RELN: variants seen among roughly 807,000 people sequenced by gnomAD.
RELN encodes reelin.
A neutral mutation model predicts 427.6 loss-of-function variants in RELN; 108 were observed. That is an observed-to-expected ratio of 0.25 (90% confidence interval 0.22 to 0.30). RELN has a LOEUF of 0.30. Among genes scored for constraint, RELN ranks in the 10% least tolerant of loss-of-function variants. RELN has a pLI of 1.00. For synonymous variants in RELN, 1,524 were observed against 1,513.4 expected (o/e 1.01, Z -0.16); for missense variants, 3,715 against 4,302.8 (o/e 0.86, Z 3.82).
intron 31 of RELN, among the ~76,000 whole-genome samples, chr7:103,571,444 G>A (rs1830879714): frequency 6.6e-6 from 1 of 152,130 alleles, no homozygotes; most frequent in Admixed American, 6.5e-5. Flanking sequence ...GAGTGCCTAG[G>A]GAGGGTGGAG....
chr7:103,664,287 G>A (rs1833209424), intron 11 of RELN, among the ~76,000 whole-genome samples: 1 of 152,194 alleles, frequency 6.6e-6, no homozygotes, highest in African/African-American at 2.4e-5. Context: ...GTCCTTGTGT[G>A]TTTACATATG....
At chr7:103,489,715 T>C in intron 60 of RELN, 27 bp downstream of exon 60, 1 of 1,613,102 alleles carries the variant, frequency 6.2e-7, no homozygotes, top group Non-Finnish European at 8.5e-7. Context: ...GTCTCCTCTA[T>C]CAAAGTTGGC....
intron 8 of RELN, among the ~76,000 whole-genome samples, chr7:103,719,093 A>G (rs2115887413): frequency 6.6e-6 from 1 of 152,340 alleles, no homozygotes; most frequent in Non-Finnish European, 1.5e-5. Context: ...TTACTTTTAA[A>G]AAGTTAAATT....
intron 19 of RELN, among the ~76,000 whole-genome samples, chr7:103,633,161 A>C (rs909695317): frequency 1.3e-5 from 2 of 152,140 alleles, no homozygotes; most frequent in African/African-American, 2.4e-5. Flanking sequence ...GTTGAGGAAT[A>C]ATAGTGGTTA....
At chr7:103,909,830 T>C (rs1482198418) in intron 2 of RELN, among the ~76,000 whole-genome samples, 1 of 43,294 alleles carries the variant, frequency 2.3e-5, no homozygotes, top group Non-Finnish European at 5.0e-5. Flanking sequence ...ATAAAATATA[T>C]ATATTTAATA....
intron 20 of RELN, among the ~76,000 whole-genome samples, chr7:103,613,757 G>GGTA (rs1234737187): frequency 9.2e-5 from 14 of 152,214 alleles, no homozygotes; most frequent in Admixed American, 9.2e-4. Context: ...AACAGTGCCT[G>GGTA]GTAGTACATG....
intron 2 of RELN, among the ~76,000 whole-genome samples, chr7:103,859,445 C>G (rs1377369599): frequency 2.0e-5 from 3 of 152,068 alleles, no homozygotes; most frequent in Non-Finnish European, 4.4e-5. Context: ...AGGCACCCAC[C>G]ACCACGCCTG....
chr7:103,714,894 TCAAGAAC>T (rs1376618873), intron 8 of RELN, among the ~76,000 whole-genome samples: 6 of 152,174 alleles, frequency 3.9e-5, no homozygotes, highest in Non-Finnish European at 8.8e-5. Context: ...CTTGGATCTG[TCAAGAAC>T]TGTTCTTGAC....
At chr7:103,920,472 C>T (rs957075777) in intron 1 of RELN, among the ~76,000 whole-genome samples, 1 of 151,760 alleles carries the variant, frequency 6.6e-6, no homozygotes, top group African/African-American at 2.4e-5. Flanking sequence ...TAATATTTTC[C>T]ATGTCAATTC....
At chr7:103,550,577 T>A (rs985206606) in intron 41 of RELN, among the ~76,000 whole-genome samples, 6 of 151,678 alleles carry the variant, frequency 4.0e-5, no homozygotes, top group African/African-American at 1.5e-4. Flanking sequence ...CTGAGAGAGG[T>A]TGGAAAAGTA....
intron 1 of RELN, among the ~76,000 whole-genome samples, chr7:103,970,087 C>T (rs1278479585): frequency 6.6e-6 from 1 of 152,176 alleles, no homozygotes; most frequent in Admixed American, 6.6e-5. Flanking sequence ...TCAAACAAGG[C>T]TGCCTTCTTC....
At position 103,626,998 on chromosome 7, in the gene RELN, G is replaced by T. The variant is rs1832342852; in HGVS notation, c.2702+2942C>A. On this transcript the variant is annotated intron_variant, in intron 20 of 64. Transcript: ENST00000428762. The surrounding 1 kb of genome is among the most constrained non-coding windows in gnomAD (Gnocchi z 4.4). ...GAAAGTGATTTGTAGCATACTGACT[G>T]TAGTTCTTCTAATGAAAAAGCAATT... Among the ~76,000 whole-genome samples the T allele has an allele frequency of 6.6e-6, 1 of 152,024 alleles. No homozygotes were observed. Among genetic ancestry groups the T allele is most frequent in the South Asian group, 2.1e-4 (1 of 4,812 alleles).
intron 2 of RELN, among the ~76,000 whole-genome samples, chr7:103,873,760 C>T (rs77921218): frequency 0.071 from 9,056 of 128,308 alleles, 238 homozygotes; most frequent in East Asian, 0.2. Context: ...GATTCACAGC[C>T]GAATTCTACC....
At chr7:103,977,619 A>G (rs766786460) in intron 1 of RELN, among the ~76,000 whole-genome samples, 3 of 152,198 alleles carry the variant, frequency 2.0e-5, no homozygotes, top group Non-Finnish European at 4.4e-5. Flanking sequence ...GAGAGGATTC[A>G]TCCCAATTGT....
intron 11 of RELN, among the ~76,000 whole-genome samples, chr7:103,674,564 G>C (rs1031995242): frequency 1.3e-5 from 2 of 152,118 alleles, no homozygotes; most frequent in Non-Finnish European, 2.9e-5. Context: ...ACAGTGCCCT[G>C]CTTCTCCATT....
chr7:103,543,904 T>C (rs1830228102), intron 42 of RELN, among the ~76,000 whole-genome samples: 1 of 152,148 alleles, frequency 6.6e-6, no homozygotes. Flanking sequence ...CCTGTGCCTG[T>C]TAAACTGTCA....
At chr7:103,903,008 T>C (rs1015364353) in intron 2 of RELN, among the ~76,000 whole-genome samples, 4 of 152,148 alleles carry the variant, frequency 2.6e-5, no homozygotes, top group Admixed American at 6.6e-5. Flanking sequence ...TCCAAGAGTA[T>C]TTATAAGTCA....
chr7:103,571,594 T>C (rs1485280495), intron 31 of RELN, among the ~76,000 whole-genome samples: 1 of 152,180 alleles, frequency 6.6e-6, no homozygotes, highest in Non-Finnish European at 1.5e-5. Flanking sequence ...GGTGCCTCAG[T>C]TTCTACATCT....
At chr7:103,870,581 T>C (rs370137106) in intron 2 of RELN, among the ~76,000 whole-genome samples, 2 of 152,112 alleles carry the variant, frequency 1.3e-5, no homozygotes, top group East Asian at 1.9e-4. Flanking sequence ...CTCTTGGTCA[T>C]GTCCTTATTG....
Sources: gnomAD v4.1 joint callset for allele counts (sites outside exome capture counted in the v4.1 genomes callset) on GRCh38, gnomAD v4.1.1 for gene constraint, Gnocchi (gnomAD v3.1) non-coding constraint, MANE v1.5 for transcripts, NCBI Gene and HGNC (gene_info 2026-07-23, HGNC 2026-07-21) for gene names.